Variants in SLC35F1 observed in about 807,000 individuals in gnomAD.
The protein encoded by SLC35F1 is solute carrier family 35 member F1, also known as chromosome 6 open reading frame 169.
A neutral mutation model predicts 48.7 loss-of-function variants in SLC35F1; 14 were observed. The ratio of observed to expected loss-of-function variants is 0.29; its 90% CI spans 0.19 to 0.45. The LOEUF is 0.45. Ranked by LOEUF, SLC35F1 falls within the 20% of genes least tolerant of loss-of-function variation. The pLI, the probability that SLC35F1 is intolerant of heterozygous loss-of-function variation, is 1.00. For synonymous variants in SLC35F1, 190 were observed against 202.2 expected (o/e 0.94, Z 0.51); for missense variants, 404 against 500.0 (o/e 0.81, Z 1.83).
intron 1 of SLC35F1, among the ~76,000 whole-genome samples, chr6:117,991,100 G>A (rs983348129): frequency 6.6e-6 from 1 of 152,092 alleles, no homozygotes; most frequent in East Asian, 1.9e-4. Flanking sequence ...ATTTGTAACT[G>A]GGACCAGATC....
intron 3 of SLC35F1, among the ~76,000 whole-genome samples, chr6:118,264,137 G>A (rs571436088): frequency 6.6e-6 from 1 of 152,198 alleles, no homozygotes; most frequent in African/African-American, 2.4e-5. Context: ...CCCTCCAGGG[G>A]CGTTTGCAAA....
chr6:118,114,195 G>C (rs914922726), intron 1 of SLC35F1, among the ~76,000 whole-genome samples: 42 of 152,150 alleles, frequency 2.8e-4, no homozygotes, highest in Admixed American at 5.9e-4. Flanking sequence ...GCTTGAACTA[G>C]GCTGTGTTGG....
chr6:118,221,542 G>A (rs1775150854), intron 2 of SLC35F1, among the ~76,000 whole-genome samples: 1 of 152,134 alleles, frequency 6.6e-6, no homozygotes, highest in South Asian at 2.1e-4. Flanking sequence ...AGGAAGGAGG[G>A]CACAGACACA....
chr6:118,185,634 C>T (rs1439900358), intron 2 of SLC35F1, among the ~76,000 whole-genome samples: 27 of 152,062 alleles, frequency 1.8e-4, no homozygotes. Flanking sequence ...AAAATCAGAC[C>T]TGGCAACAGT....
intron 3 of SLC35F1, among the ~76,000 whole-genome samples, chr6:118,259,670 G>C (rs1775687937): frequency 6.8e-6 from 1 of 147,470 alleles, no homozygotes; most frequent in Non-Finnish European, 1.5e-5. Flanking sequence ...ATCATAAGGA[G>C]ATACCACTCC....
At chr6:118,225,890 A>AAAAT (rs386408395) in intron 2 of SLC35F1, among the ~76,000 whole-genome samples, 1 of 151,668 alleles carries the variant, frequency 6.6e-6, no homozygotes, top group Non-Finnish European at 1.5e-5. Context: ...AAAAAAAAAA[A>AAAAT]ATCTTCACAG....
At chr6:118,265,617 T>C (rs1775764041) in intron 3 of SLC35F1, among the ~76,000 whole-genome samples, 1 of 152,092 alleles carries the variant, frequency 6.6e-6, no homozygotes, top group South Asian at 2.1e-4. Flanking sequence ...GCTTGTTCCA[T>C]GTAGCAGAGG....
chr6:117,963,618 T>C (rs993436978), intron 1 of SLC35F1, among the ~76,000 whole-genome samples: 9 of 152,148 alleles, frequency 5.9e-5, no homozygotes, highest in South Asian at 2.1e-4. Context: ...TAGACAATTT[T>C]CCCCCCTGAA....
intron 1 of SLC35F1, among the ~76,000 whole-genome samples, chr6:118,139,103 A>G (rs1049495601): frequency 2.8e-4 from 42 of 152,030 alleles, no homozygotes; most frequent in Non-Finnish European, 3.1e-4. Context: ...GATGGAGTTT[A>G]AAACTGTCTT....
chr6:118,118,875 A>G (rs2114397267), intron 1 of SLC35F1, among the ~76,000 whole-genome samples: 1 of 151,372 alleles, frequency 6.6e-6, no homozygotes, highest in African/African-American at 2.4e-5. Flanking sequence ...GTAAATGCAA[A>G]CCTCTGAGAT....
intron 1 of SLC35F1, among the ~76,000 whole-genome samples, chr6:117,989,747 T>G (rs965904083): frequency 4.6e-5 from 7 of 152,122 alleles, no homozygotes; most frequent in African/African-American, 4.8e-5. Context: ...TTATAGTTTA[T>G]AAGTAGAATA....
chr6:118,237,947 C>T (rs1405547839), intron 3 of SLC35F1, among the ~76,000 whole-genome samples: 1 of 152,140 alleles, frequency 6.6e-6, no homozygotes. Context: ...GCAGTGTTCT[C>T]TTTATGTATA....
intron 7 of SLC35F1, among the ~76,000 whole-genome samples, chr6:118,291,619 G>A (rs867920920): frequency 3.9e-5 from 6 of 152,068 alleles, no homozygotes; most frequent in Admixed American, 2.6e-4. Context: ...AGTTAATGCC[G>A]CCGCTGCCTT....
chr6:118,051,933 C>G (rs1000323215), intron 1 of SLC35F1, among the ~76,000 whole-genome samples: 5 of 152,054 alleles, frequency 3.3e-5, no homozygotes, highest in East Asian at 1.9e-4. Context: ...GGCCTCAATA[C>G]CTTCCCTTAT....
chr6:117,924,077 A>G (rs1775985577), intron 1 of SLC35F1, among the ~76,000 whole-genome samples: 1 of 149,918 alleles, frequency 6.7e-6, no homozygotes, highest in Admixed American at 6.6e-5. Context: ...GTACACATGC[A>G]TATGTATATA....
chr6:117,947,573 G>T (rs894775335), intron 1 of SLC35F1, among the ~76,000 whole-genome samples: 1 of 152,108 alleles, frequency 6.6e-6, no homozygotes, highest in Non-Finnish European at 1.5e-5. Context: ...CAAGAGAATG[G>T]CAACAGTGTC....
At chr6:118,287,805 C>T (rs907683035) in intron 7 of SLC35F1, among the ~76,000 whole-genome samples, 7 of 152,102 alleles carry the variant, frequency 4.6e-5, no homozygotes, top group Non-Finnish European at 7.4e-5. Flanking sequence ...AGGGCTGATA[C>T]GCTAATTCTC....
At chr6:118,181,615 C>T (rs532108700) in intron 2 of SLC35F1, among the ~76,000 whole-genome samples, 11 of 152,038 alleles carry the variant, frequency 7.2e-5, no homozygotes, top group African/African-American at 2.7e-4. Context: ...AAATCAGTAT[C>T]AATGTCAATG....
At chr6:118,042,880 G>A (rs972065419) in intron 1 of SLC35F1, among the ~76,000 whole-genome samples, 3 of 152,270 alleles carry the variant, frequency 2.0e-5, no homozygotes, top group Non-Finnish European at 2.9e-5. Context: ...GGTGAATGAT[G>A]TTCCCATTAA....
Sources: gnomAD v4.1 joint callset for allele counts (sites outside exome capture counted in the v4.1 genomes callset) on GRCh38, gnomAD v4.1.1 for gene constraint, MANE v1.5 for transcripts, NCBI Gene and HGNC (gene_info 2026-07-23, HGNC 2026-07-21) for gene names.